OTOA: variants seen among roughly 807,000 people sequenced by gnomAD.
OTOA encodes the protein cancer/testis antigen 108.
Under a neutral mutation model 110.8 loss-of-function variants are expected in OTOA, and 70 were observed. That is an observed-to-expected ratio of 0.63 (90% CI 0.52 to 0.77). The LOEUF (loss-of-function observed/expected upper bound fraction) is 0.77, where lower values mean the gene tolerates loss of function less well. OTOA is among the 30% of genes least tolerant of loss of function. The pLI, the probability that OTOA is intolerant of heterozygous loss-of-function variation, is 0.00. For missense variants in OTOA, 917 were observed against 1,075.8 expected, an observed-to-expected ratio of 0.85 and a Z score of 2.06; for synonymous variants, 373 against 431.5, an observed-to-expected ratio of 0.86 and a Z score of 1.68.
chr16:21,706,944 G>A (rs1020547511), intron 12 of OTOA, among the ~76,000 whole-genome samples: 5 of 151,114 alleles, frequency 3.3e-5, no homozygotes, highest in Non-Finnish European at 7.4e-5. Flanking sequence ...GGTTCAAGTG[G>A]CACAATTTCA....
At chr16:21,695,889 A>ATT (rs1213474615) in intron 9 of OTOA, among the ~76,000 whole-genome samples, 1,543 of 63,374 alleles carry the variant, frequency 0.024, 37 homozygotes, top group African/African-American at 0.033. Context: ...ATATATATAT[A>ATT]TATTTTTTTT....
At chr16:21,714,332 C>CCTTT (rs1182162717) in intron 13 of OTOA, among the ~76,000 whole-genome samples, 2,008 of 127,618 alleles carry the variant, frequency 0.016, 36 homozygotes, top group East Asian at 0.037. Context: ...TTCCTTCCTT[C>CCTTT]CTTTCTTTCT....
intron 12 of OTOA, among the ~76,000 whole-genome samples, chr16:21,706,838 T>C (rs1017129624): frequency 6.8e-6 from 1 of 147,970 alleles, no homozygotes; most frequent in Admixed American, 6.8e-5. Context: ...TTTTTTTTTT[T>C]ATAAGATTCA....
chr16:21,695,492 C>T (rs1454274528), intron 9 of OTOA, among the ~76,000 whole-genome samples: 1 of 151,948 alleles, frequency 6.6e-6, no homozygotes, highest in East Asian at 1.9e-4. Context: ...TGGTTCTAGC[C>T]TCAAAAGTTT....
At chr16:21,709,811 A>G (rs1898299012) in intron 12 of OTOA, 77 bp from the exon 13 acceptor site, 2 of 1,302,314 alleles carry the variant, frequency 1.5e-6, no homozygotes, top group South Asian at 1.2e-5. Flanking sequence ...GTGGAGTCCT[A>G]ATAGCCCTGG....
intron 17 of OTOA, chr16:21,721,204 C>T (rs894185512): frequency 7.3e-5 from 31 of 424,764 alleles, no homozygotes; most frequent in Middle Eastern, 7.3e-4. Flanking sequence ...CATGAGCCAC[C>T]ACGCCCATTC....
intron 5 of OTOA, 59 bp downstream of exon 5, chr16:21,679,270 A>G (rs1966871273): frequency 6.5e-7 from 1 of 1,548,844 alleles, no homozygotes; most frequent in South Asian, 1.1e-5. Context: ...AAAATTCTTA[A>G]TGGAAGTCTC....
At chr16:21,719,267 G>T in intron 16 of OTOA, 76 bp downstream of exon 16, 1 of 1,586,846 alleles carries the variant, frequency 6.3e-7, no homozygotes, top group Non-Finnish European at 8.7e-7. Context: ...ACTTTTCCAG[G>T]TGGGAGAGTT....
intron 9 of OTOA, among the ~76,000 whole-genome samples, chr16:21,695,966 C>T (rs1897932232): frequency 7.1e-6 from 1 of 140,020 alleles, no homozygotes; most frequent in Admixed American, 7.6e-5. Context: ...ATGATCTCAG[C>T]TCACTGCAAC....
intron 12 of OTOA, among the ~76,000 whole-genome samples, chr16:21,708,237 A>G (rs1336514438): frequency 6.6e-6 from 1 of 152,190 alleles, no homozygotes; most frequent in Admixed American, 6.5e-5. Context: ...GTGACAGATC[A>G]TCAGGCATTA....
intron 1 of OTOA, among the ~76,000 whole-genome samples, chr16:21,670,206 A>G (rs1023018869): frequency 2.0e-5 from 3 of 151,752 alleles, no homozygotes. Flanking sequence ...ACCTCCCTCC[A>G]AGTAAAAGTC....
At chr16:21,694,437 T>C (rs1310591667) in intron 9 of OTOA, among the ~76,000 whole-genome samples, 35 of 152,016 alleles carry the variant, frequency 2.3e-4, no homozygotes, top group Non-Finnish European at 1.6e-4. Context: ...AGCGAGACCT[T>C]GTCTCTAAAA....
chr16:21,696,965 C>CACA, intron 9 of OTOA, among the ~76,000 whole-genome samples: 1 of 1,328 alleles, frequency 7.5e-4, no homozygotes, highest in Non-Finnish European at 0.011. Context: ...GTAGAGTGAG[C>CACA]TGTAGCCTCA....
intron 12 of OTOA, among the ~76,000 whole-genome samples, chr16:21,707,629 C>CTTTCTTTCTTTCTTTCT (rs1898216878): frequency 1.0e-5 from 1 of 97,522 alleles, no homozygotes; most frequent in African/African-American, 3.1e-5. Flanking sequence ...TTCTTTCTTT[C>CTTTCTTTCTTTCTTTCT]TTTCTTTCTT....
At chr16:21,700,724 C>CCA (rs1898034799) in intron 10 of OTOA, among the ~76,000 whole-genome samples, 164 bp from the exon 11 acceptor site, 1 of 115,740 alleles carries the variant, frequency 8.6e-6, no homozygotes, top group East Asian at 2.7e-4. Flanking sequence ...GACTCCATCT[C>CCA]AAAAAAAAAA....
At chr16:21,680,298 A>G (rs1448063941) in intron 5 of OTOA, among the ~76,000 whole-genome samples, 1 of 152,074 alleles carries the variant, frequency 6.6e-6, no homozygotes, top group African/African-American at 2.4e-5. Flanking sequence ...CGGATCATGA[A>G]GTCAGGAGTT....
chr16:21,721,514 A>G (rs1220188006), intron 17 of OTOA: 1 of 455,966 alleles, frequency 2.2e-6, no homozygotes, highest in Non-Finnish European at 4.4e-6. Flanking sequence ...CGAAAATGTC[A>G]ATAATACTGA....
intron 20 of OTOA, 31 bp downstream of exon 20, chr16:21,728,462 G>A: frequency 1.2e-6 from 2 of 1,606,126 alleles, no homozygotes; most frequent in Non-Finnish European, 8.5e-7. Flanking sequence ...GCTTTTGGTG[G>A]TGTGGTATGC....
intron 9 of OTOA, among the ~76,000 whole-genome samples, chr16:21,695,229 C>A (rs1415085513): frequency 2.7e-5 from 4 of 145,944 alleles, no homozygotes; most frequent in East Asian, 4.2e-4. Context: ...GTGAGACCCC[C>A]CCCCCCCATA....
Sources: gnomAD v4.1 joint callset for allele counts (sites outside exome capture counted in the v4.1 genomes callset) on GRCh38, gnomAD v4.1.1 for gene constraint, MANE v1.5 for transcripts, NCBI Gene and HGNC (gene_info 2026-07-23, HGNC 2026-07-21) for gene names.